Variants in TLK1 observed in about 807,000 individuals in gnomAD.
TLK1 encodes the protein tousled like kinase 1, also known as serine/threonine-protein kinase tousled-like 1.
Under a neutral mutation model 105.3 loss-of-function variants are expected in TLK1, and 24 were observed. That is an observed-to-expected ratio of 0.23 (90% CI 0.17 to 0.32). The LOEUF (loss-of-function observed/expected upper bound fraction) is 0.32, where lower values mean the gene tolerates loss of function less well. TLK1 is among the 10% of genes least tolerant of loss of function. The pLI, the probability that TLK1 is intolerant of heterozygous loss-of-function variation, is 1.00. For missense variants in TLK1, 558 were observed against 910.5 expected (o/e 0.61, Z 4.98); for synonymous variants, 321 against 310.4 (o/e 1.03, Z -0.36).
chr2:171,003,344 C>T (rs1176661526), intron 18 of TLK1, among the ~76,000 whole-genome samples: 2 of 137,994 alleles, frequency 1.4e-5, no homozygotes, highest in Non-Finnish European at 3.1e-5. Flanking sequence ...GCTGCAGTGA[C>T]AGCTTTACAA....
chr2:171,078,349 C>T (rs889426395), intron 3 of TLK1, among the ~76,000 whole-genome samples: 1 of 152,040 alleles, frequency 6.6e-6, no homozygotes, highest in Non-Finnish European at 1.5e-5. Flanking sequence ...ACCAGCCTGG[C>T]CAACATAGTG....
chr2:171,010,886 A>G (rs1486761952), intron 14 of TLK1, among the ~76,000 whole-genome samples: 1 of 152,216 alleles, frequency 6.6e-6, no homozygotes, highest in East Asian at 1.9e-4. Context: ...GGTATCAAAT[A>G]TCACAGGGAC....
chr2:171,160,352 C>G lies in TLK1; in HGVS notation c.77G>C (p.Gly26Ala), dbSNP rs145012528. 69 of 1,604,344 alleles carry G rather than the reference C, an allele frequency of 4.3e-5. No homozygotes were observed. In the African/African-American group the frequency reaches 8.1e-4, roughly 19 times the overall value. The change falls in exon 1 of 21, where the codon GGC becomes GCC. Residue 26 changes from glycine to alanine, a missense_variant. Physicochemically the swap from Gly to Ala is moderately conservative, Grantham distance 60 (BLOSUM62 0). Transcript: ENST00000431350. This position sits in a 1 kb window ranked among gnomAD's most constrained non-coding sequence, Gnocchi z 4.4. ...WSQLSTSPTP[G>A]SAAAARSLLN... ...CAGGGACCTGGCCGCCGCCGCCGAG[C>G]CCGGGGTTGGAGACGTGGAGAGCTG...
At chr2:171,223,709 A>G (rs1180103514) in intron 1 of TLK1, among the ~76,000 whole-genome samples, 1 of 151,570 alleles carries the variant, frequency 6.6e-6, no homozygotes, top group Non-Finnish European at 1.5e-5. Context: ...TGAACTTCTG[A>G]CCTCAGGTGA....
chr2:171,106,261 G>A (rs13427723), intron 2 of TLK1, among the ~76,000 whole-genome samples: 59,271 of 151,976 alleles, frequency 0.39, 12,921 homozygotes, highest in African/African-American at 0.57. Context: ...AGTAAGTCCT[G>A]GTGTTCTATA....
At chr2:171,226,826 T>C (rs933345404) in intron 1 of TLK1, among the ~76,000 whole-genome samples, 1 of 151,796 alleles carries the variant, frequency 6.6e-6, no homozygotes, top group African/African-American at 2.4e-5. Flanking sequence ...AGAATGAAAC[T>C]ACTCTTATGT....
At chr2:171,058,340 T>C in intron 4 of TLK1, 143 bp from the exon 5 acceptor site, 2 of 713,730 alleles carry the variant, frequency 2.8e-6, no homozygotes, top group Non-Finnish European at 2.4e-6. Context: ...TTTTTAAAAG[T>C]TCCAGTTATT....
In TLK1 at chr2:171,089,949, T is replaced by C. The variant is rs565387233; in HGVS notation, c.259-7097A>G. The stretch of plus-strand genomic sequence containing the variant: ...AGACCATTCTTGGTCTTTACATTTT[T>C]ATATAATTTTGGAATCAGCTTGTTA... On this transcript the variant is annotated intron_variant, in intron 2 of 20. Transcript: ENST00000431350. 2.9e-4 allele frequency among the ~76,000 whole-genome samples: 44 copies of C among 152,326 alleles called. No homozygotes were observed. In the South Asian group the frequency reaches 8.9e-3, roughly 31 times the overall value.
intron 1 of TLK1, among the ~76,000 whole-genome samples, chr2:171,153,306 A>G (rs1052654797): frequency 6.6e-6 from 1 of 152,234 alleles, no homozygotes; most frequent in Non-Finnish European, 1.5e-5. Flanking sequence ...TATGAGATAT[A>G]AGAATTAACA....
At chr2:171,095,254 A>G (rs1242577977) in intron 2 of TLK1, among the ~76,000 whole-genome samples, 2 of 152,072 alleles carry the variant, frequency 1.3e-5, no homozygotes, top group African/African-American at 4.8e-5. Flanking sequence ...CAAAGCAAGC[A>G]GGGGGGAAAA....
chr2:171,094,311 C>A (rs1689362404), intron 2 of TLK1, among the ~76,000 whole-genome samples: 1 of 151,882 alleles, frequency 6.6e-6, no homozygotes, highest in African/African-American at 2.4e-5. Context: ...AAATTAAAAT[C>A]ATGAGTTAAA....
intron 1 of TLK1, among the ~76,000 whole-genome samples, chr2:171,143,239 T>C (rs935752342): frequency 1.3e-5 from 2 of 151,972 alleles, no homozygotes; most frequent in African/African-American, 2.4e-5. Context: ...TTTCCTTATC[T>C]CAGTTTCATC....
At chr2:171,136,071 T>A (rs1401040497) in intron 1 of TLK1, among the ~76,000 whole-genome samples, 1 of 152,144 alleles carries the variant, frequency 6.6e-6, no homozygotes, top group Non-Finnish European at 1.5e-5. Flanking sequence ...GCAACCCATG[T>A]CCAATCAAAA....
At chr2:171,028,212 T>A in intron 12 of TLK1, 127 bp downstream of exon 12, 2 of 689,140 alleles carry the variant, frequency 2.9e-6, no homozygotes, top group East Asian at 5.5e-5. Context: ...CTCTTTTTAA[T>A]CTGAAATTTT....
At chr2:171,115,756 T>C (rs533523870) in intron 2 of TLK1, among the ~76,000 whole-genome samples, 2 of 152,200 alleles carry the variant, frequency 1.3e-5, no homozygotes, top group South Asian at 2.1e-4. Flanking sequence ...AATTCAAGAA[T>C]CAATGAATTG....
At chr2:171,058,103 C>T (rs796721311) in intron 5 of TLK1, 48 bp downstream of exon 5, 2 of 1,588,086 alleles carry the variant, frequency 1.3e-6, no homozygotes, top group South Asian at 1.1e-5. Context: ...TAGCTCACAG[C>T]AGAATAGTAC....
chr2:171,168,946 C>G (rs766231225), intron 1 of TLK1, among the ~76,000 whole-genome samples: 1 of 151,978 alleles, frequency 6.6e-6, no homozygotes. Flanking sequence ...GGTGTGGTGG[C>G]GCATGCCTGT....
intron 12 of TLK1, among the ~76,000 whole-genome samples, chr2:171,021,730 T>C (rs1368326340): frequency 6.6e-6 from 1 of 152,182 alleles, no homozygotes; most frequent in Non-Finnish European, 1.5e-5. Context: ...CAAACCCTGC[T>C]GATGGCTAAC....
intron 12 of TLK1, among the ~76,000 whole-genome samples, chr2:171,026,615 ATAAC>A (rs1271166773): frequency 1.3e-5 from 2 of 152,188 alleles, no homozygotes; most frequent in African/African-American, 2.4e-5. Context: ...TGGAATCACT[ATAAC>A]TAAGTAAATA....
Sources: allele counts gnomAD v4.1 joint callset (sites outside exome capture counted in the v4.1 genomes callset), GRCh38; gene constraint gnomAD v4.1.1; non-coding constraint Gnocchi (gnomAD v3.1); transcripts MANE v1.5; gene names NCBI Gene and HGNC (gene_info 2026-07-23, HGNC 2026-07-21).